Variants in GNPAT observed in about 807,000 individuals in gnomAD.
GNPAT encodes dihydroxyacetone phosphate acyltransferase.
GNPAT carries 30 observed loss-of-function variants against 78.4 expected under a neutral mutation model. The observed-to-expected ratio is 0.38, with a 90% CI of 0.29 to 0.52. The LOEUF (loss-of-function observed/expected upper bound fraction) is 0.52, where lower values mean the gene tolerates loss of function less well. Among genes scored for constraint, GNPAT ranks in the 20% least tolerant of loss-of-function variants. The pLI, the probability that GNPAT is intolerant of heterozygous loss-of-function variation, is 0.84. For synonymous variants in GNPAT, 271 were observed against 281.1 expected, an observed-to-expected ratio of 0.96 and a Z score of 0.36; for missense variants, 714 against 812.2, an observed-to-expected ratio of 0.88 and a Z score of 1.47.
intron 5 of GNPAT, 122 bp downstream of exon 5, chr1:231,265,542 A>AT: frequency 1.1e-6 from 1 of 945,902 alleles, no homozygotes; most frequent in South Asian, 1.3e-5. Flanking sequence ...AGAACTGCTT[A>AT]TAACCTCAGC....
At chr1:231,260,875 T>C (rs573265405) in intron 3 of GNPAT, among the ~76,000 whole-genome samples, 192 bp downstream of exon 3, 1 of 152,290 alleles carries the variant, frequency 6.6e-6, no homozygotes, top group South Asian at 2.1e-4. Flanking sequence ...TCTCTGAAGG[T>C]TGTTTTCTGT....
intron 3 of GNPAT, among the ~76,000 whole-genome samples, chr1:231,261,452 C>T (rs992063396): frequency 6.6e-6 from 1 of 151,752 alleles, no homozygotes; most frequent in South Asian, 2.1e-4. Context: ...ACCCCGGAAG[C>T]GATGCATTCT....
intron 8 of GNPAT, among the ~76,000 whole-genome samples, chr1:231,267,400 T>A (rs1294783839): frequency 1.3e-5 from 2 of 152,226 alleles, no homozygotes; most frequent in African/African-American, 4.8e-5. Flanking sequence ...AGAGAAACGA[T>A]GTATCCTATT....
chr1:231,260,808 A>G (rs1388014575), intron 3 of GNPAT, 125 bp downstream of exon 3: 2 of 695,750 alleles, frequency 2.9e-6, no homozygotes, highest in South Asian at 1.7e-5. Context: ...CACTTGGTCA[A>G]TCAAAAGCCT....
At chr1:231,253,073 A>G (rs1017772919) in intron 2 of GNPAT, among the ~76,000 whole-genome samples, 2 of 152,188 alleles carry the variant, frequency 1.3e-5, no homozygotes, top group African/African-American at 4.8e-5. Flanking sequence ...GGTTCATGCC[A>G]TTCTCCTGCC....
At chr1:231,257,362 T>C (rs747935764) in intron 2 of GNPAT, among the ~76,000 whole-genome samples, 4 of 152,208 alleles carry the variant, frequency 2.6e-5, no homozygotes, top group Non-Finnish European at 5.9e-5. Flanking sequence ...ATGTGGTGTC[T>C]GCCTTTTCCA....
intron 2 of GNPAT, among the ~76,000 whole-genome samples, chr1:231,259,454 C>A (rs1685159668): frequency 6.6e-6 from 1 of 151,948 alleles, no homozygotes; most frequent in African/African-American, 2.4e-5. Context: ...TCAAGACCAG[C>A]CTGACCAACA....
At chr1:231,272,443 A>G (rs1186154013) in intron 11 of GNPAT, 52 bp downstream of exon 11, 2 of 955,750 alleles carry the variant, frequency 2.1e-6, no homozygotes, top group Admixed American at 1.7e-5. Context: ...AGTTCTAGAA[A>G]TGTTAGGGGT....
chr1:231,271,248 C>T (rs949782283), intron 10 of GNPAT, among the ~76,000 whole-genome samples: 2 of 152,170 alleles, frequency 1.3e-5, no homozygotes, highest in Admixed American at 6.5e-5. Context: ...TAGAAAGTTG[C>T]ATAATTACTG....
chr1:231,274,033 C>T lies in GNPAT; in HGVS notation c.1714C>T (p.Leu572Phe), dbSNP rs372558863. The change falls in exon 12 of 16, where the codon CTC becomes TTC. Residue 572 changes from leucine (L) to phenylalanine (F), a missense_variant. Coordinates refer to ENST00000366647, the MANE Select transcript of GNPAT (RefSeq NM_014236.4). ...TACTGTGTTAGAATTTTTAGTAGGA[C>T]TCTTTAAACCTTTTGTGGAAAGCTA... The part of the protein sequence containing the change: ...GNTVLEFLVG[L>F]FKPFVESYQI... The T allele has an allele frequency of 2.2e-5, 35 of 1,613,216 alleles. No individual in the cohort carries two copies. Among genetic ancestry groups the T allele is most frequent in the Non-Finnish European group, 2.8e-5 (33 of 1,179,290 alleles).
rs567896163 is a variant in GNPAT, at chr1:231,273,054, G to A, written c.1602+663G>A. Among the ~76,000 whole-genome samples, 14 of 152,262 alleles carry A rather than the reference G, an allele frequency of 9.2e-5. No individual in the cohort carries two copies. The South Asian group carries it at 2.3e-3, about 25-fold the overall frequency. ...TTGTTAGAATGAGTCACCCAGGCAA[G>A]TGCCTTTTACTTTGAGAGTAGTGAG... is the stretch of plus-strand genomic sequence containing the variant. On this transcript the variant is annotated intron_variant, in intron 11 of 15. Transcript: ENST00000366647.
Position 231,241,581 on chromosome 1 carries a change from G to A in GNPAT, c.78+125G>A, listed in dbSNP as rs552509755. Reference sequence around the variant, plus strand: ...AGCTGGCCCCTAGGCTCCCGAGGAGGGGTTAGTTGGTTGGATTGGTTTCCA... The same window carrying A: ...AGCTGGCCCCTAGGCTCCCGAGGAGAGGTTAGTTGGTTGGATTGGTTTCCA... On this transcript the variant is annotated intron_variant, in intron 1 of 15. Coordinates refer to ENST00000366647, the MANE Select transcript of GNPAT (RefSeq NM_014236.4). The A allele has an allele frequency of 4.0e-6, 3 of 757,106 alleles. No homozygotes were observed. The East Asian group carries it at 7.7e-5, about 20-fold the overall frequency. 46.9% of individuals were successfully genotyped at this position (757,106 alleles called of 1,614,324 possible).
chr1:231,256,959 G>A (rs1685085295), intron 2 of GNPAT, among the ~76,000 whole-genome samples: 1 of 152,200 alleles, frequency 6.6e-6, no homozygotes, highest in Non-Finnish European at 1.5e-5. Context: ...TTATAATGTG[G>A]AGAAGAGACT....
Position 231,257,409 on chromosome 1 carries a change from C to G in GNPAT, c.262-3098C>G, listed in dbSNP as rs577695785. Among the ~76,000 whole-genome samples the G allele has an allele frequency of 2.0e-5, 3 of 152,316 alleles. No homozygotes were observed. The East Asian group carries it at 5.8e-4, about 29-fold the overall frequency. On this transcript the variant is annotated intron_variant, in intron 2 of 15. Transcript: ENST00000366647. ...ATTTTAGCAGATTGCTGAAGCTTATCTAGTAAAGGTTACCATGGATCTCCA... is the reference window on the plus strand; with the variant it reads ...ATTTTAGCAGATTGCTGAAGCTTATGTAGTAAAGGTTACCATGGATCTCCA...
At chr1:231,254,447 T>A (rs186823855) in intron 2 of GNPAT, among the ~76,000 whole-genome samples, 1,523 of 148,872 alleles carry the variant, frequency 0.01, 32 homozygotes, top group African/African-American at 0.035. Flanking sequence ...AGTGAAAAAT[T>A]TTTTTTTTTT....
At position 231,267,683 on chromosome 1, in the gene GNPAT, C is replaced by T. The variant is rs768809788; in HGVS notation, c.1059C>T (p.Tyr353=). The T allele has an allele frequency of 6.5e-7, 1 of 1,545,822 alleles. No homozygotes were observed. The highest frequency in any genetic ancestry group is 8.9e-7 in the Non-Finnish European group (1 of 1,117,636). The part of the protein sequence containing the change: ...SRSSYNLVPR[Y]IPQKQSEDMH... ...TGCTCTGTGCTCTTCCTTTTAGATACATTCCTCAGAAACAGTCTGAGGACA... is the reference window on the plus strand; with the variant it reads ...TGCTCTGTGCTCTTCCTTTTAGATATATTCCTCAGAAACAGTCTGAGGACA... Residue 353 remains tyrosine, a synonymous_variant, in exon 9 of 16, where the codon TAC becomes TAT. Coordinates refer to ENST00000366647, the MANE Select transcript of GNPAT (RefSeq NM_014236.4).
chr1:231,265,025 G>A (rs918507528), intron 4 of GNPAT, among the ~76,000 whole-genome samples: 5 of 152,060 alleles, frequency 3.3e-5, no homozygotes, highest in Admixed American at 1.3e-4. Context: ...AATATCATAG[G>A]GGTGTCTTAC....
intron 1 of GNPAT, among the ~76,000 whole-genome samples, chr1:231,245,000 T>C (rs1028162427): frequency 6.6e-6 from 1 of 152,224 alleles, no homozygotes; most frequent in Non-Finnish European, 1.5e-5. Flanking sequence ...CACCCTGGCC[T>C]TCTGTTTCTC....
At chr1:231,276,499 A>T (rs1195759257) in intron 15 of GNPAT, among the ~76,000 whole-genome samples, 1 of 152,190 alleles carries the variant, frequency 6.6e-6, no homozygotes, top group Non-Finnish European at 1.5e-5. Context: ...CAGAGAGAGT[A>T]CCTCATCTCC....
Sources: gnomAD v4.1 joint callset for allele counts (sites outside exome capture counted in the v4.1 genomes callset) on GRCh38, gnomAD v4.1.1 for gene constraint, MANE v1.5 for transcripts, NCBI Gene and HGNC (gene_info 2026-07-23, HGNC 2026-07-21) for gene names.